Variants in NUBPL observed in about 807,000 individuals in gnomAD.
NUBPL encodes iron-sulfur cluster transfer protein NUBPL.
NUBPL carries 31 observed loss-of-function variants against 45.7 expected under a neutral mutation model. That is an observed-to-expected ratio of 0.68 (90% CI 0.51 to 0.92). The LOEUF (loss-of-function observed/expected upper bound fraction) is 0.92, where lower values mean the gene tolerates loss of function less well. Ranked by LOEUF, NUBPL falls within the 40% of genes least tolerant of loss-of-function variation. The pLI, the probability that NUBPL is intolerant of heterozygous loss-of-function variation, is 0.00. For missense variants in NUBPL, 401 were observed against 398.7 expected (o/e 1.01, Z -0.05); for synonymous variants, 144 against 140.9 (o/e 1.02, Z -0.15).
intron 8 of NUBPL, among the ~76,000 whole-genome samples, chr14:31,843,144 C>T (rs1201697926): frequency 1.3e-5 from 2 of 152,192 alleles, no homozygotes; most frequent in African/African-American, 4.8e-5. Context: ...ACAGCAGCCA[C>T]CAGCTGGAGG....
In NUBPL at chr14:31,826,643, T is replaced by A. The variant is rs766418140; in HGVS notation, c.622T>A (p.Ser208Thr). Reference sequence around the variant, plus strand: ...TCTTTGGCTAGGTGCTGTGATTGTCTCCACGCCCCAGGACATCGCATTGAT... The same window carrying A: ...TCTTTGGCTAGGTGCTGTGATTGTCACCACGCCCCAGGACATCGCATTGAT... ...NIPITGAVIV[S>T]TPQDIALMDA... The change falls in exon 8 of 11, where the codon TCC becomes ACC. Residue 208 changes from serine to threonine, a missense_variant. By Grantham distance (58) the Ser-to-Thr change is moderately conservative. Coordinates refer to ENST00000281081, the MANE Select transcript of NUBPL (RefSeq NM_025152.3). 2 of 1,614,132 alleles carry A rather than the reference T, an allele frequency of 1.2e-6. No homozygotes were observed. Among genetic ancestry groups the A allele is most frequent in the South Asian group, 2.2e-5 (2 of 91,084 alleles).
intron 6 of NUBPL, among the ~76,000 whole-genome samples, chr14:31,727,846 G>A (rs2037959881): frequency 6.6e-6 from 1 of 152,028 alleles, no homozygotes; most frequent in South Asian, 2.1e-4. Context: ...CACTTTGTTT[G>A]TAACATATTT....
In NUBPL at chr14:31,561,550, C is replaced by G. The variant is rs762428172; in HGVS notation, c.108+3C>G. 1 of 1,378,420 alleles carries G rather than the reference C, an allele frequency of 7.3e-7. No homozygotes were observed. Among genetic ancestry groups the G allele is most frequent in the Non-Finnish European group, 9.4e-7 (1 of 1,059,204 alleles). 85.4% of individuals were successfully genotyped at this position (1,378,420 alleles called of 1,614,324 possible). On this transcript the variant is annotated splice_donor_region_variant and intron_variant, in intron 1 of 10. Coordinates refer to ENST00000281081, the MANE Select transcript of NUBPL (RefSeq NM_025152.3). ...GAGCGATGGTTTGTGGGCGCCAGGT[C>G]CGTGGTGCTGCAGGGCAGGGGGAAG...
intron 7 of NUBPL, among the ~76,000 whole-genome samples, chr14:31,811,861 T>C (rs2039811933): frequency 1.3e-5 from 2 of 152,230 alleles, no homozygotes; most frequent in Admixed American, 6.5e-5. Flanking sequence ...TTAGTTTTTC[T>C]TCTACCAGTC....
intron 3 of NUBPL, among the ~76,000 whole-genome samples, chr14:31,593,513 CAAAAAAAA>C (rs34026301): frequency 5.3e-5 from 4 of 75,192 alleles, no homozygotes; most frequent in African/African-American, 1.9e-4. Flanking sequence ...GCTTCCGTCT[CAAAAAAAA>C]AAAAAAAAAA....
intron 4 of NUBPL, among the ~76,000 whole-genome samples, chr14:31,614,410 C>T (rs1031768196): frequency 1.3e-5 from 2 of 152,082 alleles, no homozygotes; most frequent in African/African-American, 2.4e-5. Context: ...TTTGGAGGAA[C>T]ATTTAGGGCT....
chr14:31,622,927 A>C (rs1295480611), intron 4 of NUBPL, among the ~76,000 whole-genome samples: 2 of 152,140 alleles, frequency 1.3e-5, no homozygotes, highest in Non-Finnish European at 2.9e-5. Flanking sequence ...TGTCCTTCAG[A>C]CCCCAGAATG....
intron 8 of NUBPL, among the ~76,000 whole-genome samples, chr14:31,834,178 C>CTTTTTTTTTT (rs34255943): frequency 9.3e-6 from 1 of 107,018 alleles, no homozygotes; most frequent in African/African-American, 3.7e-5. Flanking sequence ...TGGCCTGGAA[C>CTTTTTTTTTT]TTTTTTTTTT....
At chr14:31,624,690 G>T (rs188339975) in intron 4 of NUBPL, among the ~76,000 whole-genome samples, 1 of 152,006 alleles carries the variant, frequency 6.6e-6, no homozygotes, top group African/African-American at 2.4e-5. Context: ...TCAGCCTCCC[G>T]AGTAGCTTGG....
At chr14:31,856,197 C>T (rs2040615789) in intron 10 of NUBPL, among the ~76,000 whole-genome samples, 1 of 152,098 alleles carries the variant, frequency 6.6e-6, no homozygotes, top group Non-Finnish European at 1.5e-5. Flanking sequence ...TCATGTCTTA[C>T]ATGGATGGCG....
At chr14:31,619,408 T>A (rs1008434386) in intron 4 of NUBPL, among the ~76,000 whole-genome samples, 19 of 152,258 alleles carry the variant, frequency 1.2e-4, no homozygotes, top group Non-Finnish European at 2.5e-4. Context: ...GGCATGTTTT[T>A]ACAGTGGCTG....
intron 4 of NUBPL, among the ~76,000 whole-genome samples, chr14:31,607,234 T>A (rs937288196): frequency 1.3e-5 from 2 of 151,680 alleles, no homozygotes; most frequent in East Asian, 3.9e-4. Flanking sequence ...ACAAAAAAAT[T>A]TGGCTGGGCG....
intron 4 of NUBPL, among the ~76,000 whole-genome samples, chr14:31,651,248 T>C (rs2035996154): frequency 6.6e-6 from 1 of 152,130 alleles, no homozygotes; most frequent in African/African-American, 2.4e-5. Flanking sequence ...TTCTTGTGCC[T>C]CAGCCAACTG....
chr14:31,852,790 C>A (rs2040557690), intron 10 of NUBPL, among the ~76,000 whole-genome samples: 1 of 152,170 alleles, frequency 6.6e-6, no homozygotes. Context: ...GGCCTAGGAT[C>A]AGAATCCTCC....
chr14:31,743,037 A>G (rs1264870547), intron 6 of NUBPL, among the ~76,000 whole-genome samples: 1 of 151,996 alleles, frequency 6.6e-6, no homozygotes, highest in Non-Finnish European at 1.5e-5. Context: ...TATTACTTTG[A>G]TTTTATCTTT....
chr14:31,651,546 A>C (rs912581306), intron 4 of NUBPL, among the ~76,000 whole-genome samples: 1 of 152,180 alleles, frequency 6.6e-6, no homozygotes, highest in African/African-American at 2.4e-5. Flanking sequence ...CACATCTGAT[A>C]AAGGGTTAAT....
chr14:31,754,301 A>G (rs2038600036), intron 6 of NUBPL, among the ~76,000 whole-genome samples: 2 of 152,210 alleles, frequency 1.3e-5, no homozygotes, highest in South Asian at 4.1e-4. Flanking sequence ...ACACAGAGAG[A>G]AAATAATCTA....
At chr14:31,816,247 A>T (rs1390997992) in intron 7 of NUBPL, among the ~76,000 whole-genome samples, 1 of 151,952 alleles carries the variant, frequency 6.6e-6, no homozygotes, top group Non-Finnish European at 1.5e-5. Flanking sequence ...CTTTTTCCTG[A>T]TTTAGTGTTT....
intron 6 of NUBPL, among the ~76,000 whole-genome samples, chr14:31,781,958 A>T (rs188103306): frequency 6.6e-6 from 1 of 151,998 alleles, no homozygotes; most frequent in Non-Finnish European, 1.5e-5. Flanking sequence ...CTCTCCCCTT[A>T]CTATTAGTTC....
Sources: allele counts gnomAD v4.1 joint callset (sites outside exome capture counted in the v4.1 genomes callset), GRCh38; gene constraint gnomAD v4.1.1; transcripts MANE v1.5; gene names NCBI Gene and HGNC (gene_info 2026-07-23, HGNC 2026-07-21).